Variants in IFT74 observed in about 807,000 individuals in gnomAD.
The protein encoded by IFT74 is intraflagellar transport protein 74 homolog.
A neutral mutation model predicts 96.7 loss-of-function variants in IFT74; 92 were observed. That is an observed-to-expected ratio of 0.95 (90% CI 0.80 to 1.13). IFT74 has a LOEUF of 1.13. IFT74 is among the 50% of genes most tolerant of loss of function. The pLI, the probability that IFT74 is intolerant of heterozygous loss-of-function variation, is 0.00. For synonymous variants in IFT74, 223 were observed against 213.2 expected (o/e 1.05, Z -0.40); for missense variants, 811 against 698.2 (o/e 1.16, Z -1.82).
chr9:26,999,497 T>C (rs1828357794), intron 8 of IFT74: 3 of 714,680 alleles, frequency 4.2e-6, no homozygotes, highest in Non-Finnish European at 2.2e-6. Context: ...CTAAATAAAC[T>C]CTTAATTTTA....
intron 8 of IFT74, chr9:26,997,580 T>A (rs1345048325): frequency 1.1e-5 from 9 of 785,774 alleles, no homozygotes; most frequent in Non-Finnish European, 1.5e-5. Flanking sequence ...GTGATCCCCC[T>A]GCCTTGGCCT....
chr9:26,978,049 T>C (rs574114849), intron 2 of IFT74, 79 bp from the exon 3 acceptor site: 10 of 1,300,930 alleles, frequency 7.7e-6, no homozygotes, highest in Non-Finnish European at 3.1e-6. Flanking sequence ...TTTTAAAAAA[T>C]TGTCTTTGCA....
rs754998857 is a variant in IFT74, at chr9:26,962,074, G to A, written c.107G>A (p.Arg36Gln). 3 of 1,614,114 alleles carry A rather than the reference G, an allele frequency of 1.9e-6. No homozygotes were observed. The highest frequency in any genetic ancestry group is 1.3e-5 in the African/African-American group (1 of 75,048). ...ATACGACCCCTATCAGGAAATATTC[G>A]AGTGGCAACTGCAGTAAGTTTGAAA... ...SGIRPLSGNI[R>Q]VATAMPPGTA... is the part of the protein sequence containing the mutation. Residue 36 changes from arginine (R) to glutamine (Q), a missense_variant, in exon 2 of 20, where the codon CGA (arginine) becomes CAA (glutamine). Arg to Gln is a conservative substitution (Grantham distance 43, BLOSUM62 1). Coordinates refer to ENST00000380062, the MANE Select transcript of IFT74 (RefSeq NM_025103.4).
intron 13 of IFT74, among the ~76,000 whole-genome samples, chr9:27,042,574 G>A (rs149068378): frequency 1.2e-4 from 19 of 152,302 alleles, no homozygotes; most frequent in African/African-American, 4.1e-4. Flanking sequence ...CCTCATTGCA[G>A]TGTCTTGGGG....
rs1827535104 is a variant in IFT74, at chr9:26,984,336, T to C, written c.385T>C (p.Tyr129His). The stretch of plus-strand genomic sequence containing the variant: ...AATGTACAATCAAGAGAATTCAGTA[T>C]ATTTGTCATATGAAAAGAGGTGAGT... ...IEMYNQENSV[Y>H]LSYEKRAETL... Residue 129 changes from tyrosine (Y) to histidine (H), a missense_variant, in exon 5 of 20, where the codon TAT becomes CAT. By Grantham distance (83) the Tyr-to-His change is moderately conservative. Transcript: ENST00000380062. 6.3e-7 allele frequency: 1 copy of C among 1,584,314 alleles called. No homozygotes were observed. The highest frequency in any genetic ancestry group is 8.6e-7 in the Non-Finnish European group (1 of 1,163,846).
At chr9:27,061,674 C>G (rs1303798248) in intron 19 of IFT74, among the ~76,000 whole-genome samples, 5 of 118,018 alleles carry the variant, frequency 4.2e-5, no homozygotes, top group African/African-American at 1.6e-4. Context: ...TATATATCCA[C>G]AAGTATATAT....
intron 12 of IFT74, among the ~76,000 whole-genome samples, chr9:27,019,908 T>G (rs979402143): frequency 1.3e-5 from 2 of 152,164 alleles, no homozygotes; most frequent in Non-Finnish European, 2.9e-5. Flanking sequence ...TGAATACATT[T>G]ATTTGAAATT....
Position 26,997,968 on chromosome 9 carries a change from C to G in IFT74, c.587+7773C>G, listed in dbSNP as rs998524980. On this transcript the variant is annotated intron_variant, in intron 8 of 19. Coordinates refer to ENST00000380062, the MANE Select transcript of IFT74 (RefSeq NM_025103.4). ...TATAACTGTTTTAGTTTATTTAAGC[C>G]TAAAAATGCACCCTGTTGAATTACA... 1.9e-6 allele frequency: 3 copies of G among 1,613,662 alleles called. No individual in the cohort carries two copies. Among genetic ancestry groups the G allele is most frequent in the Non-Finnish European group, 2.5e-6 (3 of 1,179,938 alleles).
At chr9:27,036,537 T>C (rs778195067) in intron 13 of IFT74, 2 of 1,610,922 alleles carry the variant, frequency 1.2e-6, no homozygotes, top group Non-Finnish European at 1.7e-6. Context: ...CTAAGCACTA[T>C]GCTGAATCCA....
intron 11 of IFT74, among the ~76,000 whole-genome samples, chr9:27,017,621 T>G (rs1829410639): frequency 6.6e-6 from 1 of 152,236 alleles, no homozygotes; most frequent in South Asian, 2.1e-4. Context: ...ATAATCTTTT[T>G]GAAGATATGT....
At chr9:27,059,623 G>A (rs1587431919) in intron 18 of IFT74, among the ~76,000 whole-genome samples, 1 of 151,286 alleles carries the variant, frequency 6.6e-6, no homozygotes, top group Non-Finnish European at 1.5e-5. Context: ...GGTCCTGTCT[G>A]GGGGAGATTG....
intron 10 of IFT74, among the ~76,000 whole-genome samples, chr9:27,012,744 T>G (rs1829159296): frequency 9.0e-6 from 1 of 110,764 alleles, no homozygotes; most frequent in African/African-American, 3.7e-5. Context: ...TTAGACAGAG[T>G]ATCGCTCTGT....
rs945176762 is a variant in IFT74 at position 26,988,739 on chromosome 9, T to G, written c.525+11T>G. On this transcript the variant is annotated intron_variant, in intron 7 of 19. Coordinates refer to ENST00000380062, the MANE Select transcript of IFT74 (RefSeq NM_025103.4). ...AATGATTACAATATGGTAAGAAAAT[T>G]TATAAAAGCAAATTGATCTATGTAA... is the stretch of plus-strand genomic sequence containing the variant. 1 of 1,518,394 alleles carries G rather than the reference T, an allele frequency of 6.6e-7. No individual in the cohort carries two copies. Among genetic ancestry groups the G allele is most frequent in the East Asian group, 2.3e-5 (1 of 43,704 alleles). The allele number at this position is 1,518,394 out of a possible 1,614,324, so 94.1% of individuals were successfully genotyped here.
intron 13 of IFT74, among the ~76,000 whole-genome samples, chr9:27,031,263 G>A (rs1830108786): frequency 6.6e-6 from 1 of 152,084 alleles, no homozygotes; most frequent in South Asian, 2.1e-4. Context: ...CGGATCACCA[G>A]GTCAGGAGAT....
In IFT74 at chr9:27,065,655, A is replaced by G. The variant is rs773390602; in HGVS notation, c.*2919A>G. 2.6e-5 allele frequency among the ~76,000 whole-genome samples: 4 copies of G among 152,186 alleles called. No homozygotes were observed. The highest frequency in any genetic ancestry group is 4.4e-5 in the Non-Finnish European group (3 of 68,032). On this transcript the variant is annotated 3_prime_UTR_variant, in exon 20 of 20. Transcript: ENST00000380062. ...GAGGATTACAGCATGGAGTAATCAT[A>G]TTCACACCAGAGATGAAAGGCCAGT...
At chr9:27,055,902 T>TA in intron 17 of IFT74, 130 bp downstream of exon 17, 1 of 606,818 alleles carries the variant, frequency 1.6e-6, no homozygotes, top group Non-Finnish European at 2.5e-6. Flanking sequence ...TGAGAAAAAA[T>TA]AAAAATGTTT....
chr9:26,983,494 G>A (rs1024791140), intron 4 of IFT74, among the ~76,000 whole-genome samples: 4 of 152,152 alleles, frequency 2.6e-5, no homozygotes, highest in Admixed American at 2.0e-4. Context: ...CTGATACTCA[G>A]ATCCAGGATG....
At chr9:26,969,806 A>G (rs1175689077) in intron 2 of IFT74, among the ~76,000 whole-genome samples, 3 of 152,002 alleles carry the variant, frequency 2.0e-5, no homozygotes, top group Non-Finnish European at 4.4e-5. Context: ...TTTAATTTCT[A>G]TGTTGAAGAC....
intron 10 of IFT74, among the ~76,000 whole-genome samples, chr9:27,012,883 A>AT (rs1183063122): frequency 1.3e-5 from 2 of 151,684 alleles, no homozygotes; most frequent in East Asian, 3.9e-4. Flanking sequence ...CACCCAGCTA[A>AT]TTTTTTTGTA....
Sources: allele counts gnomAD v4.1 joint callset (sites outside exome capture counted in the v4.1 genomes callset), GRCh38; gene constraint gnomAD v4.1.1; transcripts MANE v1.5; gene names NCBI Gene and HGNC (gene_info 2026-07-23, HGNC 2026-07-21).